Variants in SNX5 observed in about 807,000 individuals in gnomAD.
The protein encoded by SNX5 is sorting nexin 5.
A neutral mutation model predicts 53.9 loss-of-function variants in SNX5; 31 were observed. That is an observed-to-expected ratio of 0.58 (90% CI 0.43 to 0.78). The LOEUF (loss-of-function observed/expected upper bound fraction) is 0.78. Among genes scored for constraint, SNX5 ranks in the 30% least tolerant of loss-of-function variants. The pLI is 0.00. For missense variants in SNX5, 471 were observed against 478.8 expected, an observed-to-expected ratio of 0.98 and a Z score of 0.15; for synonymous variants, 168 against 171.1, an observed-to-expected ratio of 0.98 and a Z score of 0.14.
At chr20:17,951,359 T>C (rs986785547) in intron 6 of SNX5, 141 bp downstream of exon 6, 2 of 620,756 alleles carry the variant, frequency 3.2e-6, no homozygotes, top group African/African-American at 3.7e-5. Flanking sequence ...AATAAGTAGA[T>C]GAAAATTACC....
At chr20:17,961,505 T>A in intron 1 of SNX5, 1 of 985,374 alleles carries the variant, frequency 1.0e-6, no homozygotes, top group East Asian at 1.1e-4. Context: ...AGTTGAACAG[T>A]CATTTAAATC....
rs1397693482 is a variant in SNX5 at position 17,941,764 on chromosome 20, T to C, written c.*593A>G. On this transcript the variant is annotated 3_prime_UTR_variant, in exon 13 of 13. Coordinates refer to ENST00000377759, the MANE Select transcript of SNX5 (RefSeq NM_014426.4). ...GCAGACCACATTATTTGTTTCCATATATACCTGTAGATATTTCTCTCCCCT... is the reference window on the plus strand; with the variant it reads ...GCAGACCACATTATTTGTTTCCATACATACCTGTAGATATTTCTCTCCCCT... 6.6e-6 allele frequency: 1 copy of C among 152,572 alleles called. No individual in the cohort carries two copies. The highest frequency in any genetic ancestry group is 1.5e-5 in the Non-Finnish European group (1 of 68,380). 9.5% of individuals were successfully genotyped at this position (152,572 alleles called of 1,614,324 possible). A position where few individuals can be genotyped will look rare whatever the true frequency, so the allele number is the denominator to read the frequency against.
chr20:17,944,671 G>C (rs1000782192), intron 11 of SNX5: 2 of 151,868 alleles, frequency 1.3e-5, no homozygotes, highest in Non-Finnish European at 2.9e-5. Flanking sequence ...TCAGCCTCCC[G>C]AGTAGCTGGG....
At chr20:17,965,876 C>T (rs148227084) in intron 1 of SNX5, among the ~76,000 whole-genome samples, 2 of 152,164 alleles carry the variant, frequency 1.3e-5, no homozygotes, top group East Asian at 3.9e-4. Flanking sequence ...AAGCTTCAGT[C>T]CACAAAGTTT....
At position 17,961,460 on chromosome 20, in the gene SNX5, A is replaced by G. The variant is rs773297260; in HGVS notation, c.52-4423T>C. 7.1e-6 allele frequency: 7 copies of G among 985,424 alleles called. No individual in the cohort carries two copies. In the East Asian group the frequency reaches 4.5e-4, roughly 64 times the overall value. 61.0% of individuals were successfully genotyped at this position (985,424 alleles called of 1,614,324 possible). Reference sequence around the variant, plus strand: ...GAAAAAGACACAGTCCAAAGAAGTGAAACTCCACAATCTCTGATCTGTTAG... The same window carrying G: ...GAAAAAGACACAGTCCAAAGAAGTGGAACTCCACAATCTCTGATCTGTTAG... On this transcript the variant is annotated intron_variant, in intron 1 of 12. Coordinates refer to ENST00000377759, the MANE Select transcript of SNX5 (RefSeq NM_014426.4).
intron 1 of SNX5, among the ~76,000 whole-genome samples, chr20:17,965,373 C>T (rs1009214998): frequency 1.3e-5 from 2 of 152,214 alleles, no homozygotes; most frequent in African/African-American, 4.8e-5. Flanking sequence ...GTTTAGATGA[C>T]CACTAGGTCT....
intron 1 of SNX5, chr20:17,962,318 C>T: frequency 5.3e-6 from 1 of 187,676 alleles, no homozygotes; most frequent in Non-Finnish European, 1.1e-5. Flanking sequence ...GATACTCCTG[C>T]CTCAGCCTCC....
At position 17,947,977 on chromosome 20, in the gene SNX5, G is replaced by A. The variant is rs181921510; in HGVS notation, c.919-332C>T. Among the ~76,000 whole-genome samples, 11 of 152,320 alleles carry A rather than the reference G, an allele frequency of 7.2e-5. No homozygotes were observed. The East Asian group carries it at 2.1e-3, about 29-fold the overall frequency. ...TAACTTGAAATATACAGTCACTGCT[G>A]GGTAAGTCAAGTTGAGCGCTGCTAA... On this transcript the variant is annotated intron_variant, in intron 10 of 12. Coordinates refer to ENST00000377759, the MANE Select transcript of SNX5 (RefSeq NM_014426.4).
chr20:17,956,763 A>G (rs1450763166), intron 2 of SNX5, among the ~76,000 whole-genome samples, 170 bp downstream of exon 2: 1 of 151,026 alleles, frequency 6.6e-6, no homozygotes, highest in African/African-American at 2.4e-5. Context: ...CTGCCGCCAC[A>G]ATGGCACTCA....
At chr20:17,968,129 C>T (rs6034926) in intron 1 of SNX5, 1 of 400,068 alleles carries the variant, frequency 2.5e-6, no homozygotes, top group Non-Finnish European at 4.4e-6. Flanking sequence ...GCACCGGCGC[C>T]TGAGCTGGGG....
chr20:17,943,266 A>C, intron 11 of SNX5, 71 bp from the exon 12 acceptor site: 1 of 984,356 alleles, frequency 1.0e-6, no homozygotes, highest in Non-Finnish European at 1.6e-6. Context: ...TAACTACCAA[A>C]TGGCATTCTT....
intron 1 of SNX5, among the ~76,000 whole-genome samples, chr20:17,960,986 G>A (rs367764709): frequency 1.9e-4 from 29 of 152,074 alleles, no homozygotes; most frequent in Admixed American, 1.3e-3. Context: ...CTTACAATAC[G>A]GATTATAATC....
intron 1 of SNX5, among the ~76,000 whole-genome samples, chr20:17,960,360 T>C (rs1054038803): frequency 6.7e-6 from 1 of 150,302 alleles, no homozygotes; most frequent in Admixed American, 6.6e-5. Context: ...CTTTGGGAGG[T>C]GGAGGCAGCT....
At chr20:17,967,786 G>C (rs1646258287) in intron 1 of SNX5, 2 of 325,972 alleles carry the variant, frequency 6.1e-6, no homozygotes, top group African/African-American at 4.2e-5. Flanking sequence ...ACATCAATGG[G>C]CAAGACTTAA....
At chr20:17,965,740 C>T (rs1041533622) in intron 1 of SNX5, among the ~76,000 whole-genome samples, 6 of 151,516 alleles carry the variant, frequency 4.0e-5, no homozygotes, top group Non-Finnish European at 7.4e-5. Flanking sequence ...AGATAATGAC[C>T]TTTTAGAGTA....
chr20:17,955,597 A>G, intron 2 of SNX5, 122 bp from the exon 3 acceptor site: 1 of 638,566 alleles, frequency 1.6e-6, no homozygotes, highest in East Asian at 2.8e-5. Context: ...GTAAAGAACA[A>G]AGCAGTTATA....
chr20:17,968,480 G>A lies in SNX5; in HGVS notation c.-55C>T, dbSNP rs189097719. ...TGGCTGTGCGAGGAAAGAAGAAGCT[G>A]GGCCGCCGCCGCCGCCGCCTGGGCG... On this transcript the variant is annotated 5_prime_UTR_variant, in exon 1 of 13. Transcript: ENST00000377759. The A allele has an allele frequency of 3.3e-4, 428 of 1,287,024 alleles. 3 individuals carry two copies. The East Asian group carries it at 0.012, about 37-fold the overall frequency. 79.7% of individuals were successfully genotyped at this position (1,287,024 alleles called of 1,614,324 possible).
At chr20:17,967,291 AC>A (rs1277068473) in intron 1 of SNX5, among the ~76,000 whole-genome samples, 10 of 151,976 alleles carry the variant, frequency 6.6e-5, no homozygotes, top group Admixed American at 5.9e-4. Flanking sequence ...ATAATGTTTT[AC>A]AAAGAATCGT....
chr20:17,952,637 CAG>C lies in SNX5; in HGVS notation c.461_462del (p.Pro154ArgfsTer4). ...TGAAAGTTGCGATCTTTACTGAGAA[CAG>C]GGTGAGAAGAAAGCCGCTGAAGAAA... ...EVFLQRLSSHPVLSKDRNFHV... is the reference protein window; with the variant it reads ...EVFLQRLSSHXVLSKDRNFHV... On this transcript the variant is annotated frameshift_variant, in exon 5 of 13. Coordinates refer to ENST00000377759, the MANE Select transcript of SNX5 (RefSeq NM_014426.4). LOFTEE classifies it high-confidence loss of function. 6.2e-7 allele frequency: 1 copy of C among 1,614,054 alleles called. No homozygotes were observed. The highest frequency in any genetic ancestry group is 8.5e-7 in the Non-Finnish European group (1 of 1,179,958).
Sources: gnomAD v4.1 joint callset for allele counts (sites outside exome capture counted in the v4.1 genomes callset) on GRCh38, gnomAD v4.1.1 for gene constraint, MANE v1.5 for transcripts, NCBI Gene and HGNC (gene_info 2026-07-23, HGNC 2026-07-21) for gene names.